LIPE: variants seen among roughly 807,000 people sequenced by gnomAD.
LIPE encodes the protein lipase E, hormone sensitive type.
LIPE carries 66 observed loss-of-function variants against 88.5 expected under a neutral mutation model. That is an observed-to-expected ratio of 0.75 (90% CI 0.61 to 0.91). The LOEUF is 0.91. Ranked by LOEUF, LIPE falls within the 40% of genes least tolerant of loss-of-function variation. The pLI, the probability that LIPE is intolerant of heterozygous loss-of-function variation, is 0.00. For missense variants in LIPE, 1,346 were observed against 1,434.7 expected, an observed-to-expected ratio of 0.94 and a Z score of 1.00; for synonymous variants, 570 against 617.5, an observed-to-expected ratio of 0.92 and a Z score of 1.14.
At chr19:42,426,100 C>A (rs566497501) in intron 1 of LIPE, among the ~76,000 whole-genome samples, 167 bp downstream of exon 1, 1 of 133,760 alleles carries the variant, frequency 7.5e-6, no homozygotes, top group Non-Finnish European at 1.5e-5. Flanking sequence ...CTGCGCCCAG[C>A]CTTTTTTTTT....
rs766063656 is a variant in LIPE at position 42,402,838 on chromosome 19, TAAG to T, written c.2733_2735del (p.Phe911del). 10 of 1,613,608 alleles carry T rather than the reference TAAG, an allele frequency of 6.2e-6. No homozygotes were observed. Among genetic ancestry groups the T allele is most frequent in the African/African-American group, 2.7e-5 (2 of 74,850 alleles). ...CTTCCCCTGCATCCTCAGGTGGTAA[TAAG>T]AAGTTGACATCGGAGGGTGTGGAGG... is the stretch of plus-strand genomic sequence containing the variant. On this transcript the variant is annotated inframe_deletion, in exon 9 of 10. Coordinates refer to ENST00000244289, the MANE Select transcript of LIPE (RefSeq NM_005357.4).
In LIPE at chr19:42,402,943, C is replaced by G; in HGVS notation, c.2631G>C (p.Arg877Ser). 6.2e-7 allele frequency: 1 copy of G among 1,610,014 alleles called. No homozygotes were observed. Among genetic ancestry groups the G allele is most frequent in the Middle Eastern group, 1.7e-4 (1 of 6,060 alleles). The change falls in exon 9 of 10, where the codon AGG becomes AGC. Residue 877 changes from arginine to serine, a missense_variant. By Grantham distance (110) the Arg-to-Ser change is moderately radical. Transcript: ENST00000244289. Reference sequence around the variant, plus strand: ...CGGAGTTTCCCCTCAGGCTCAAGTCCCTCAGGGTCAGGTTCTTGAGGGAAT... The same window carrying G: ...CGGAGTTTCCCCTCAGGCTCAAGTCGCTCAGGGTCAGGTTCTTGAGGGAAT... Reference protein sequence around the residue: ...GTDSLKNLTLRDLSLRGNSET... With the variant: ...GTDSLKNLTLSDLSLRGNSET...
intron 1 of LIPE, among the ~76,000 whole-genome samples, chr19:42,418,230 A>C (rs2040528774): frequency 6.6e-6 from 1 of 152,066 alleles, no homozygotes; most frequent in South Asian, 2.1e-4. Flanking sequence ...TGATTTGCCC[A>C]CCTCGGCCTC....
intron 1 of LIPE, among the ~76,000 whole-genome samples, chr19:42,411,690 A>G (rs1600128556): frequency 2.0e-5 from 3 of 152,184 alleles, no homozygotes; most frequent in South Asian, 4.2e-4. Flanking sequence ...GAGATCCCCA[A>G]AACTCAGTCT....
chr19:42,409,743 CG>C (rs1254485186), intron 2 of LIPE, among the ~76,000 whole-genome samples: 6 of 152,314 alleles, frequency 3.9e-5, no homozygotes, highest in Non-Finnish European at 5.9e-5. Context: ...TCTAGGGTCA[CG>C]GCTGGGACAC....
At position 42,408,113 on chromosome 19, in the gene LIPE, C is replaced by A; in HGVS notation, c.1519G>T (p.Ala507Ser). 2.5e-6 allele frequency: 4 copies of A among 1,613,818 alleles called. No homozygotes were observed. Among genetic ancestry groups the A allele is most frequent in the Non-Finnish European group, 3.4e-6 (4 of 1,179,918 alleles). Residue 507 changes from alanine to serine, a missense_variant, in exon 4 of 10, where the codon GCC (alanine) becomes TCC (serine). Transcript: ENST00000244289. This position sits in a 1 kb window ranked among gnomAD's most constrained non-coding sequence, Gnocchi z 4.3. ...CGGCCGCTGGTGAAGAGAGAGCTGG[C>A]GGCCACACCTAGGGGTCAGAAGGGG... is the stretch of plus-strand genomic sequence containing the variant. ...KRNETGLSVAASSLFTSGRFA... is the reference protein window; with the variant it reads ...KRNETGLSVASSSLFTSGRFA...
Position 42,426,489 on chromosome 19 carries a change from C to G in LIPE, c.661G>C (p.Glu221Gln), listed in dbSNP as rs2147682075. 2.5e-6 allele frequency: 4 copies of G among 1,614,210 alleles called. No homozygotes were observed. The highest frequency in any genetic ancestry group is 3.4e-6 in the Non-Finnish European group (4 of 1,180,034). The change falls in exon 1 of 10, where the codon GAG becomes CAG. Residue 221 changes from glutamate to glutamine, a missense_variant. Coordinates refer to ENST00000244289, the MANE Select transcript of LIPE (RefSeq NM_005357.4). ...ACCCACTCAGAAAGTGCCTTCCACT[C>G]TAGGGCTGATCGCTGTATGGATAGT... ...QELSIQRSAL[E>Q]WKALSEWVTD...
chr19:42,419,293 AAAAT>A (rs1378268170), intron 1 of LIPE, among the ~76,000 whole-genome samples: 2 of 152,188 alleles, frequency 1.3e-5, no homozygotes, highest in Non-Finnish European at 2.9e-5. Flanking sequence ...AAATTAAAAT[AAAAT>A]AAATAAAAAG....
In LIPE at chr19:42,426,736, C is replaced by T. The variant is rs1379250075; in HGVS notation, c.414G>A (p.Gln138=). ...EPALRQRHVA[Q]PGPGPGEPPP... is the part of the protein sequence containing the mutation. ...GTGGCTCTCCTGGCCCAGGCCCTGG[C>T]TGGGCTACATGTCTTTGTCTCAATG... The change falls in exon 1 of 10, where the codon CAG becomes CAA. Residue 138 remains glutamine (Q), a synonymous_variant. Coordinates refer to ENST00000244289, the MANE Select transcript of LIPE (RefSeq NM_005357.4). 4 of 1,614,084 alleles carry T rather than the reference C, an allele frequency of 2.5e-6. No homozygotes were observed. The South Asian group carries it at 3.3e-5, about 13-fold the overall frequency.
In LIPE at chr19:42,406,348, T is replaced by A. The variant is rs1242817097; in HGVS notation, c.2178A>T (p.Ala726=). 5 of 1,614,148 alleles carry A rather than the reference T, an allele frequency of 3.1e-6. No individual in the cohort carries two copies. In the South Asian group the frequency reaches 4.4e-5, roughly 14 times the overall value. ...CCACGGTGAAGCAGAGGTTCCCGCC[T>A]GCACTGTCCCCCGCAAGGCAGATTC... ...GERICLAGDS[A]GGNLCFTVAL... Residue 726 remains alanine (A), a synonymous_variant, in exon 7 of 10, where the codon GCA becomes GCT. Transcript: ENST00000244289. The surrounding 1 kb of genome is among the most constrained non-coding windows in gnomAD (Gnocchi z 5.7).
chr19:42,420,645 T>C (rs1015132574), intron 1 of LIPE, among the ~76,000 whole-genome samples: 1 of 152,072 alleles, frequency 6.6e-6, no homozygotes, highest in Non-Finnish European at 1.5e-5. Flanking sequence ...TAAAGGCCTC[T>C]GGAACCTGGC....
Position 42,401,555 on chromosome 19 carries a change from A to G in LIPE, c.*257T>C. On this transcript the variant is annotated 3_prime_UTR_variant, in exon 10 of 10. Coordinates refer to ENST00000244289, the MANE Select transcript of LIPE (RefSeq NM_005357.4). ...TTTACAACAAACCAAACCGACCTGCAAGGGAGGGCCAGTCCCCGTCCCTGC... is the reference window on the plus strand; with the variant it reads ...TTTACAACAAACCAAACCGACCTGCGAGGGAGGGCCAGTCCCCGTCCCTGC... 2.1e-6 allele frequency: 1 copy of G among 478,366 alleles called. No individual in the cohort carries two copies. Among genetic ancestry groups the G allele is most frequent in the Non-Finnish European group, 3.7e-6 (1 of 272,362 alleles). 29.6% of individuals were successfully genotyped at this position (478,366 alleles called of 1,614,324 possible).
chr19:42,408,247 T>A lies in LIPE; in HGVS notation c.1495A>T (p.Asn499Tyr). The change falls in exon 3 of 10, where the codon AAC (asparagine) becomes TAC (tyrosine). Residue 499 changes from asparagine (N) to tyrosine (Y), a missense_variant. Asn to Tyr is a moderately radical substitution (Grantham distance 143). Transcript: ENST00000244289. This position sits in a 1 kb window ranked among gnomAD's most constrained non-coding sequence, Gnocchi z 4.3. ...LVSFGEHYKR[N>Y]ETGLSVAASS... is the part of the protein sequence containing the mutation. Reference sequence around the variant, plus strand: ...TGGGACTCACTGAGGCCTGTCTCGTTGCGTTTGTAGTGCTCCCCGAAGGAC... The same window carrying A: ...TGGGACTCACTGAGGCCTGTCTCGTAGCGTTTGTAGTGCTCCCCGAAGGAC... 6.2e-7 allele frequency: 1 copy of A among 1,614,026 alleles called. No individual in the cohort carries two copies. Among genetic ancestry groups the A allele is most frequent in the Non-Finnish European group, 8.5e-7 (1 of 1,179,990 alleles).
At chr19:42,422,741 A>G (rs1451592152) in intron 1 of LIPE, among the ~76,000 whole-genome samples, 2 of 152,118 alleles carry the variant, frequency 1.3e-5, no homozygotes, top group Non-Finnish European at 2.9e-5. Flanking sequence ...GTGACACCCT[A>G]GAGAAATGAG....
chr19:42,424,240 C>A (rs1265523036), intron 1 of LIPE: 1 of 653,128 alleles, frequency 1.5e-6, no homozygotes, highest in African/African-American at 1.9e-5. Context: ...TCGGCGCCTG[C>A]GCACTAGCTT....
In LIPE at chr19:42,423,249, A is replaced by C. The variant is rs1197686134; in HGVS notation, c.883+3018T>G. 3 of 381,752 alleles carry C rather than the reference A, an allele frequency of 7.9e-6. No homozygotes were observed. In the Admixed American group the frequency reaches 1.3e-4, roughly 17 times the overall value. 23.6% of individuals were successfully genotyped at this position (381,752 alleles called of 1,614,324 possible). A position where few individuals can be genotyped will look rare whatever the true frequency, so the allele number is the denominator to read the frequency against. On this transcript the variant is annotated intron_variant, in intron 1 of 9. Transcript: ENST00000244289. Reference sequence around the variant, plus strand: ...TGCCAGGGTGGGCCTCTCGGCTGTCACATCACCCCCTTCTCACAATGGATC... The same window carrying C: ...TGCCAGGGTGGGCCTCTCGGCTGTCCCATCACCCCCTTCTCACAATGGATC...
chr19:42,408,134 A>C lies in LIPE; in HGVS notation c.1511-13T>G. The stretch of plus-strand genomic sequence containing the variant: ...CTGGCGGCCACACCTAGGGGTCAGA[A>C]GGGGTGTCAGGGAGCCCCAGTGGGT... On this transcript the variant is annotated splice_polypyrimidine_tract_variant and intron_variant, in intron 3 of 9. Coordinates refer to ENST00000244289, the MANE Select transcript of LIPE (RefSeq NM_005357.4). The surrounding 1 kb of genome is among the most constrained non-coding windows in gnomAD (Gnocchi z 4.3). 1 of 1,613,942 alleles carries C rather than the reference A, an allele frequency of 6.2e-7. No homozygotes were observed. The highest frequency in any genetic ancestry group is 1.1e-5 in the South Asian group (1 of 91,076).
At chr19:42,403,116 G>T in intron 8 of LIPE, 85 bp from the exon 9 acceptor site, 1 of 1,325,218 alleles carries the variant, frequency 7.5e-7, no homozygotes, top group Non-Finnish European at 1.0e-6. Context: ...AAGGGCAGTC[G>T]CCTGTGGAGC....
At chr19:42,411,976 G>T (rs1211286780) in intron 1 of LIPE, among the ~76,000 whole-genome samples, 1 of 152,206 alleles carries the variant, frequency 6.6e-6, no homozygotes, top group Non-Finnish European at 1.5e-5. Flanking sequence ...TAAGTGAGGA[G>T]GTTAAAGTTG....
Sources: gnomAD v4.1 joint callset for allele counts (sites outside exome capture counted in the v4.1 genomes callset) on GRCh38, gnomAD v4.1.1 for gene constraint, Gnocchi (gnomAD v3.1) non-coding constraint, MANE v1.5 for transcripts, NCBI Gene and HGNC (gene_info 2026-07-23, HGNC 2026-07-21) for gene names.